SPTA1: variants seen among roughly 807,000 people sequenced by gnomAD.
SPTA1 encodes the protein spectrin alpha chain, erythrocytic 1.
Under a neutral mutation model 324.7 loss-of-function variants are expected in SPTA1, and 177 were observed. That is an observed-to-expected ratio of 0.55 (90% CI 0.48 to 0.62). The LOEUF (loss-of-function observed/expected upper bound fraction) is 0.62. Among genes scored for constraint, SPTA1 ranks in the 20% least tolerant of loss-of-function variants. The pLI is 0.00. For missense variants in SPTA1, 3,162 were observed against 2,883.6 expected (o/e 1.10, Z -2.21); for synonymous variants, 1,195 against 1,041.3 (o/e 1.15, Z -2.84).
rs1030415334 is a variant in SPTA1 at position 158,618,294 on chromosome 1, G to A, written c.6531-238C>T. Among the ~76,000 whole-genome samples, 4 of 152,322 alleles carry A rather than the reference G, an allele frequency of 2.6e-5. No homozygotes were observed. The East Asian group carries it at 5.8e-4, about 22-fold the overall frequency. On this transcript the variant is annotated intron_variant, in intron 45 of 51. Coordinates refer to ENST00000643759, the MANE Select transcript of SPTA1 (RefSeq NM_003126.4). ...AAGGAGCACCAATGTCAAGGAATATGCTTGGTGTTGGACACACATTGCCAG... is the reference window on the plus strand; with the variant it reads ...AAGGAGCACCAATGTCAAGGAATATACTTGGTGTTGGACACACATTGCCAG...
rs754437253 is a variant in SPTA1, at chr1:158,676,306, A to G, written c.958-11T>C. On this transcript the variant is annotated splice_polypyrimidine_tract_variant and intron_variant, in intron 7 of 51. Coordinates refer to ENST00000643759, the MANE Select transcript of SPTA1 (RefSeq NM_003126.4). ...ACATAACTCCTTCACCTTTGGGATG[A>G]AAAAGAAACCTAGTAGGAAATCCAA... The G allele has an allele frequency of 6.2e-7, 1 of 1,613,076 alleles. No homozygotes were observed. Among genetic ancestry groups the G allele is most frequent in the African/African-American group, 1.3e-5 (1 of 74,866 alleles).
chr1:158,655,743 G>T (rs1652782349), intron 20 of SPTA1, among the ~76,000 whole-genome samples: 1 of 152,094 alleles, frequency 6.6e-6, no homozygotes, highest in African/African-American at 2.4e-5. Context: ...AGTAGACATT[G>T]TTATAACATT....
At chr1:158,624,101 T>C (rs1650100624) in intron 42 of SPTA1, among the ~76,000 whole-genome samples, 1 of 122,390 alleles carries the variant, frequency 8.2e-6, no homozygotes, top group Non-Finnish European at 1.7e-5. Flanking sequence ...AGAGGATGTA[T>C]GGAAACACCT....
Position 158,643,441 on chromosome 1 carries a change from G to A in SPTA1, c.4339-16C>T, listed in dbSNP as rs771096185. 8.1e-6 allele frequency: 13 copies of A among 1,611,572 alleles called. No individual in the cohort carries two copies. The highest frequency in any genetic ancestry group is 4.4e-5 in the South Asian group (4 of 90,984). On this transcript the variant is annotated splice_polypyrimidine_tract_variant and intron_variant, in intron 30 of 51. Coordinates refer to ENST00000643759, the MANE Select transcript of SPTA1 (RefSeq NM_003126.4). ...TCTTCCCTTCCTAAATAAAGGAAAA[G>A]GAAAGAGCCCAGATGCTTGGAGATT... is the stretch of plus-strand genomic sequence containing the variant.
chr1:158,644,978 A>T (rs181152262), intron 29 of SPTA1, among the ~76,000 whole-genome samples: 1 of 152,308 alleles, frequency 6.6e-6, no homozygotes, highest in East Asian at 1.9e-4. Context: ...ACTGATCACC[A>T]TCTTGTTTGG....
intron 51 of SPTA1, chr1:158,611,679 C>T (rs1043659585): frequency 5.4e-5 from 17 of 312,034 alleles, no homozygotes; most frequent in African/African-American, 2.9e-4. Flanking sequence ...TGCCTAACAA[C>T]ATTTGTTGAC....
intron 51 of SPTA1, 161 bp downstream of exon 51, chr1:158,612,656 C>T: frequency 1.3e-6 from 1 of 748,638 alleles, no homozygotes; most frequent in Non-Finnish European, 2.3e-6. Context: ...TGGGTCAAGA[C>T]AAAATGAAGT....
chr1:158,637,308 A>T (rs1651156472), intron 36 of SPTA1, among the ~76,000 whole-genome samples: 1 of 152,218 alleles, frequency 6.6e-6, no homozygotes, highest in Admixed American at 6.5e-5. Context: ...AAAGGTTTTT[A>T]AAACATGTTA....
At chr1:158,682,092 TG>T (rs1654857429) in intron 3 of SPTA1, among the ~76,000 whole-genome samples, 1 of 152,140 alleles carries the variant, frequency 6.6e-6, no homozygotes, top group South Asian at 2.1e-4. Context: ...TGCCAGAAAG[TG>T]TGAGAGCTAT....
intron 4 of SPTA1, 54 bp from the exon 5 acceptor site, chr1:158,680,783 G>C (rs1336213700): frequency 6.2e-7 from 1 of 1,608,190 alleles, no homozygotes; most frequent in Non-Finnish European, 8.5e-7. Flanking sequence ...AGTTTCTGTA[G>C]GTCAAAAACT....
intron 33 of SPTA1, among the ~76,000 whole-genome samples, chr1:158,641,879 T>G (rs889709735): frequency 6.6e-6 from 1 of 152,214 alleles, no homozygotes; most frequent in African/African-American, 2.4e-5. Flanking sequence ...ATTGCGGCAC[T>G]ATTCACAATA....
chr1:158,672,084 A>T lies in SPTA1; in HGVS notation c.1463T>A (p.Val488Glu), dbSNP rs754575328. The change falls in exon 11 of 52, where the codon GTG (valine) becomes GAG (glutamate). Residue 488 changes from valine to glutamate, a missense_variant. By Grantham distance (121) the Val-to-Glu change is moderately radical. Coordinates refer to ENST00000643759, the MANE Select transcript of SPTA1 (RefSeq NM_003126.4). ...CTCTTGTCTACTCATCCAACTGTCCACTTGCTCACTGTCTCTGTAGAAGAG... is the reference window on the plus strand; with the variant it reads ...CTCTTGTCTACTCATCCAACTGTCCTCTTGCTCACTGTCTCTGTAGAAGAG... ...FHLFYRDSEQ[V>E]DSWMSRQEAF... The T allele has an allele frequency of 6.8e-6, 11 of 1,613,906 alleles. No homozygotes were observed. The highest frequency in any genetic ancestry group is 9.3e-6 in the Non-Finnish European group (11 of 1,179,954).
At chr1:158,654,821 T>C (rs1652711753) in intron 20 of SPTA1, 73 bp from the exon 21 acceptor site, 1 of 1,599,172 alleles carries the variant, frequency 6.3e-7, no homozygotes, top group Non-Finnish European at 8.5e-7. Context: ...CAGGGGTGAG[T>C]AGTCCTTTAG....
chr1:158,625,615 A>G (rs1023095771), intron 42 of SPTA1, among the ~76,000 whole-genome samples: 1 of 152,056 alleles, frequency 6.6e-6, no homozygotes, highest in South Asian at 2.1e-4. Context: ...TTGAAATTAA[A>G]TAATACACTA....
chr1:158,677,763 T>G lies in SPTA1; in HGVS notation c.884A>C (p.Asp295Ala), dbSNP rs766735069. 1 of 1,613,700 alleles carries G rather than the reference T, an allele frequency of 6.2e-7. No individual in the cohort carries two copies. Among genetic ancestry groups the G allele is most frequent in the Admixed American group, 1.7e-5 (1 of 59,960 alleles). ...PVLTSEDYGK[D>A]LVASEGLFHS... ...AAACAGTCCTTCAGAGGCAACAAGG[T>G]CTTTGCCATAGTCCTCAGAGGTGAG... is the stretch of plus-strand genomic sequence containing the variant. Residue 295 changes from aspartate to alanine, a missense_variant, in exon 7 of 52, where the codon GAC (aspartate) becomes GCC (alanine). Asp to Ala is a moderately radical substitution (Grantham distance 126). Coordinates refer to ENST00000643759, the MANE Select transcript of SPTA1 (RefSeq NM_003126.4).
chr1:158,674,280 T>A (rs1654245390), intron 10 of SPTA1, 49 bp downstream of exon 10: 1 of 1,505,986 alleles, frequency 6.6e-7, no homozygotes. Flanking sequence ...GATTATGTAA[T>A]GACTACATAT....
intron 35 of SPTA1, 49 bp downstream of exon 35, chr1:158,639,533 A>C: frequency 1.3e-6 from 2 of 1,581,112 alleles, no homozygotes; most frequent in Non-Finnish European, 1.7e-6. Flanking sequence ...GAGAAGAGCC[A>C]GAAATATTTC....
In SPTA1 at chr1:158,638,091, C is replaced by T. The variant is rs1651219128; in HGVS notation, c.5131G>A (p.Glu1711Lys). Reference sequence around the variant, plus strand: ...AAGAACTGGAACAAGGCATAGGCCTCTTTCAATTTTTCGTGGTGTGCAGCT... The same window carrying T: ...AAGAACTGGAACAAGGCATAGGCCTTTTTCAATTTTTCGTGGTGTGCAGCT... ...LAAAHHEKLK[E>K]AYALFQFFQD... is the part of the protein sequence containing the mutation. The change falls in exon 36 of 52, where the codon GAG becomes AAG. Residue 1711 changes from glutamate to lysine, a missense_variant. Glu to Lys is a moderately conservative substitution (Grantham distance 56, BLOSUM62 1). Coordinates refer to ENST00000643759, the MANE Select transcript of SPTA1 (RefSeq NM_003126.4). The T allele has an allele frequency of 1.2e-6, 2 of 1,614,046 alleles. No individual in the cohort carries two copies. Among genetic ancestry groups the T allele is most frequent in the East Asian group, 4.5e-5 (2 of 44,884 alleles).
rs770853060 is a variant in SPTA1, at chr1:158,645,509, G to A, written c.3982C>T (p.Leu1328=). Residue 1328 remains leucine, a synonymous_variant, in exon 28 of 52, where the codon CTG becomes TTG. Transcript: ENST00000643759. ...AEDLTGIEIL[L]ERHQEHRADM... is the part of the protein sequence containing the mutation. The stretch of plus-strand genomic sequence containing the variant: ...TGTAGTTTTACCTGATGTCTCTCCA[G>A]CAAGATCTCTATGCCAGTTAAGTCT... 1.2e-6 allele frequency: 2 copies of A among 1,613,998 alleles called. No homozygotes were observed. Among genetic ancestry groups the A allele is most frequent in the South Asian group, 1.1e-5 (1 of 91,084 alleles).
Sources: gnomAD v4.1 joint callset for allele counts (sites outside exome capture counted in the v4.1 genomes callset) on GRCh38, gnomAD v4.1.1 for gene constraint, MANE v1.5 for transcripts, NCBI Gene and HGNC (gene_info 2026-07-23, HGNC 2026-07-21) for gene names.